Variants in CASKIN2 observed in about 807,000 individuals in gnomAD.
CASKIN2 encodes CASK interacting protein 2.
Under a neutral mutation model 107.1 loss-of-function variants are expected in CASKIN2, and 41 were observed. The ratio of observed to expected loss-of-function variants is 0.38; its 90% CI spans 0.30 to 0.50. CASKIN2 has a LOEUF of 0.50. Ranked by LOEUF, CASKIN2 falls within the 20% of genes least tolerant of loss-of-function variation. The pLI, the probability that CASKIN2 is intolerant of heterozygous loss-of-function variation, is 0.92. For missense variants in CASKIN2, 1,546 were observed against 1,657.4 expected, an observed-to-expected ratio of 0.93 and a Z score of 1.17; for synonymous variants, 724 against 705.6, an observed-to-expected ratio of 1.03 and a Z score of -0.41.
chr17:75,512,394 G>T (rs536572258), intron 2 of CASKIN2, among the ~76,000 whole-genome samples: 28 of 152,222 alleles, frequency 1.8e-4, no homozygotes, highest in African/African-American at 6.3e-4. Context: ...TTCTCCCTGT[G>T]GGGGGTCGCA....
At chr17:75,508,818 T>G (rs2053292602) in intron 2 of CASKIN2, among the ~76,000 whole-genome samples, 1 of 152,194 alleles carries the variant, frequency 6.6e-6, no homozygotes, top group African/African-American at 2.4e-5. Context: ...TCATTTAACC[T>G]CCCATGCTCA....
At chr17:75,512,665 T>C (rs2053324327) in intron 2 of CASKIN2, among the ~76,000 whole-genome samples, 1 of 152,092 alleles carries the variant, frequency 6.6e-6, no homozygotes, top group Admixed American at 6.5e-5. Flanking sequence ...CCTAGCACTT[T>C]GGGAGGCTGA....
At chr17:75,513,683 C>A in intron 2 of CASKIN2, 28 bp downstream of exon 2, 2 of 1,601,614 alleles carry the variant, frequency 1.2e-6, no homozygotes, top group Non-Finnish European at 1.7e-6. Context: ...TCGGCCTCAG[C>A]GGGATGCTCG....
Position 75,504,256 on chromosome 17 carries a change from A to G in CASKIN2, c.1426T>C (p.Phe476Leu), listed in dbSNP as rs1487776424. ...TGTTCTGGCCGCACGTCCTGGGTGA[A>G]GATCTGCTCCCCAGAGCGGCAGTTG... is the stretch of plus-strand genomic sequence containing the variant. ...LANCRSGEQI[F>L]TQDVRPEQLL... Residue 476 changes from phenylalanine (F) to leucine (L), a missense_variant, in exon 14 of 20, where the codon TTC becomes CTC. Phe to Leu is a conservative substitution (Grantham distance 22). Coordinates refer to ENST00000321617, the MANE Select transcript of CASKIN2 (RefSeq NM_020753.5). The G allele has an allele frequency of 6.2e-7, 1 of 1,604,692 alleles. No homozygotes were observed. The highest frequency in any genetic ancestry group is 1.3e-5 in the African/African-American group (1 of 74,602).
Position 75,513,895 on chromosome 17 carries a change from C to T in CASKIN2, c.-91G>A, listed in dbSNP as rs2053335163. 1.7e-6 allele frequency: 2 copies of T among 1,193,438 alleles called. No individual in the cohort carries two copies. The highest frequency in any genetic ancestry group is 2.4e-6 in the Non-Finnish European group (2 of 822,134). The allele number at this position is 1,193,438 out of a possible 1,614,324, so 73.9% of individuals were successfully genotyped here. ...GGGGCGTCAGGGCGCCATGCCACAGCCCCTTGGAGGGCTCCCGGTTCCGGG... is the reference window on the plus strand; with the variant it reads ...GGGGCGTCAGGGCGCCATGCCACAGTCCCTTGGAGGGCTCCCGGTTCCGGG... On this transcript the variant is annotated 5_prime_UTR_variant, in exon 2 of 20. Coordinates refer to ENST00000321617, the MANE Select transcript of CASKIN2 (RefSeq NM_020753.5).
chr17:75,503,562 C>T (rs2146984146), intron 16 of CASKIN2, 35 bp from the exon 17 acceptor site: 2 of 1,603,100 alleles, frequency 1.2e-6, no homozygotes, highest in Non-Finnish European at 1.7e-6. Context: ...AACTCCCAGC[C>T]AGCCTCCGCC....
Position 75,506,234 on chromosome 17 carries a change from T to G in CASKIN2, c.726+71A>C. The G allele has an allele frequency of 7.5e-7, 1 of 1,342,178 alleles. No homozygotes were observed. Among genetic ancestry groups the G allele is most frequent in the Non-Finnish European group, 1.1e-6 (1 of 949,810 alleles). The allele number at this position is 1,342,178 out of a possible 1,614,324, so 83.1% of individuals were successfully genotyped here. On this transcript the variant is annotated intron_variant, in intron 8 of 19. Coordinates refer to ENST00000321617, the MANE Select transcript of CASKIN2 (RefSeq NM_020753.5). This position sits in a 1 kb window ranked among gnomAD's most constrained non-coding sequence, Gnocchi z 4.8. ...ACGCTGGAGTCCTCCGTCCCGTACC[T>G]CCCCAGCCAGTCAGGGGCACAGGGC...
intron 2 of CASKIN2, among the ~76,000 whole-genome samples, chr17:75,510,394 A>T (rs1041609662): frequency 2.6e-5 from 4 of 152,066 alleles, no homozygotes; most frequent in Non-Finnish European, 5.9e-5. Context: ...TAAACCCCAG[A>T]AGAAAAAAGG....
At position 75,501,114 on chromosome 17, in the gene CASKIN2, G is replaced by T; in HGVS notation, c.3575C>A (p.Ala1192Asp). 1.3e-6 allele frequency: 2 copies of T among 1,589,316 alleles called. No individual in the cohort carries two copies. Among genetic ancestry groups the T allele is most frequent in the Non-Finnish European group, 1.7e-6 (2 of 1,167,820 alleles). ...ILDDISTMFD[A>D]LADQLDAMLD The stretch of plus-strand genomic sequence containing the variant: ...CATGGCGTCCAGCTGGTCAGCCAGG[G>T]CGTCGAACATGGTGCTGATGTCATC... The change falls in exon 20 of 20, where the codon GCC becomes GAC. Residue 1192 changes from alanine (A) to aspartate (D), a missense_variant. Physicochemically the swap from Ala to Asp is moderately radical, Grantham distance 126. This residue lies in a region of CASKIN2 where 1,311 missense variants were observed against 1,311.0 expected (regional missense o/e 1.00). Coordinates refer to ENST00000321617, the MANE Select transcript of CASKIN2 (RefSeq NM_020753.5).
At chr17:75,508,347 C>T in intron 2 of CASKIN2, 62 bp from the exon 3 acceptor site, 1 of 1,553,784 alleles carries the variant, frequency 6.4e-7, no homozygotes, top group Non-Finnish European at 8.8e-7. Context: ...AGCATCCCTC[C>T]CCCCACCTGT....
intron 4 of CASKIN2, 32 bp downstream of exon 4, chr17:75,507,552 G>T: frequency 6.5e-7 from 1 of 1,547,728 alleles, no homozygotes; most frequent in South Asian, 1.1e-5. Flanking sequence ...TACCTGCCCA[G>T]GGTGGGGGTC....
chr17:75,506,579 G>A lies in CASKIN2; in HGVS notation c.617+4C>T. On this transcript the variant is annotated splice_donor_region_variant and intron_variant, in intron 7 of 19. Transcript: ENST00000321617. The surrounding 1 kb of genome is among the most constrained non-coding windows in gnomAD (Gnocchi z 4.8). ...ATGAGGAAGCGAGGGGACCCCAAGG[G>A]TACCTGATGACTTCTCTGTGGCCAT... is the stretch of plus-strand genomic sequence containing the variant. The A allele has an allele frequency of 6.2e-7, 1 of 1,612,908 alleles. No individual in the cohort carries two copies. Among genetic ancestry groups the A allele is most frequent in the Non-Finnish European group, 8.5e-7 (1 of 1,179,820 alleles).
rs143030215 is a variant in CASKIN2, at chr17:75,506,381, C to T, written c.650G>A (p.Arg217His). Residue 217 changes from arginine to histidine, a missense_variant, in exon 8 of 20, where the codon CGC becomes CAC. Transcript: ENST00000321617. The surrounding 1 kb of genome is among the most constrained non-coding windows in gnomAD (Gnocchi z 4.8). ...QLLRAGIEIN[R>H]QTKTGTALHE... Reference sequence around the variant, plus strand: ...GAGCGCCGTACCCGTCTTGGTCTGGCGGTTGATCTCGATCCCAGCTCTCAG... The same window carrying T: ...GAGCGCCGTACCCGTCTTGGTCTGGTGGTTGATCTCGATCCCAGCTCTCAG... 4.2e-4 allele frequency: 669 copies of T among 1,611,014 alleles called. 1 individual carries two copies. The African/African-American group carries it at 7.1e-3, about 17-fold the overall frequency.
At chr17:75,507,166 G>A in intron 4 of CASKIN2, 37 bp from the exon 5 acceptor site, 1 of 1,585,466 alleles carries the variant, frequency 6.3e-7, no homozygotes, top group East Asian at 2.3e-5. Flanking sequence ...GAGGTCCTGG[G>A]ACGGCGTTGG....
chr17:75,506,526 G>A lies in CASKIN2; in HGVS notation c.617+57C>T. The A allele has an allele frequency of 6.2e-7, 1 of 1,605,370 alleles. No individual in the cohort carries two copies. Among genetic ancestry groups the A allele is most frequent in the Admixed American group, 1.7e-5 (1 of 59,894 alleles). ...AAAGGGCAGTGGGGGAGAGCACTGA[G>A]GGGCACCGATGGTCCCGCAGGCAGG... On this transcript the variant is annotated intron_variant, in intron 7 of 19. Transcript: ENST00000321617. The surrounding 1 kb of genome is among the most constrained non-coding windows in gnomAD (Gnocchi z 4.8).
rs1420498953 is a variant in CASKIN2 at position 75,514,051 on chromosome 17, T to C, written c.-247A>G. The stretch of plus-strand genomic sequence containing the variant: ...AGGGGGTGAAGGCTACATGGAAATC[T>C]GGATGGATATCAGCTTGTGGCTTCC... On this transcript the variant is annotated 5_prime_UTR_variant, in exon 2 of 20. Transcript: ENST00000321617. 7 of 583,968 alleles carry C rather than the reference T, an allele frequency of 1.2e-5. No individual in the cohort carries two copies. Among genetic ancestry groups the C allele is most frequent in the Non-Finnish European group, 2.1e-5 (7 of 327,944 alleles). 36.2% of individuals were successfully genotyped at this position (583,968 alleles called of 1,614,324 possible). A position where few individuals can be genotyped will look rare whatever the true frequency, so the allele number is the denominator to read the frequency against.
chr17:75,504,808 G>A lies in CASKIN2; in HGVS notation c.1192+4C>T, dbSNP rs1407854004. The A allele has an allele frequency of 3.7e-6, 6 of 1,608,182 alleles. No homozygotes were observed. The highest frequency in any genetic ancestry group is 3.3e-5 in the South Asian group (3 of 90,260). On this transcript the variant is annotated splice_donor_region_variant and intron_variant, in intron 11 of 19. Coordinates refer to ENST00000321617, the MANE Select transcript of CASKIN2 (RefSeq NM_020753.5). ...GCCCAGCACTGCCCCCTGGGAGGAT[G>A]TACCTGGGCTGTCTGGGCTGAGGCC...
At position 75,503,129 on chromosome 17, in the gene CASKIN2, C is replaced by T. The variant is rs772690752; in HGVS notation, c.1945G>A (p.Glu649Lys). The part of the protein sequence containing the change: ...LAKGPELMAI[E>K]GLENGEGPAT... ...GGGCCTTCTCCGTTCTCCAGTCCCT[C>T]GATGGCCATCAGCTCCGGACCCTTG... is the stretch of plus-strand genomic sequence containing the variant. The change falls in exon 18 of 20, where the codon GAG (glutamate) becomes AAG (lysine). Residue 649 changes from glutamate (E) to lysine (K), a missense_variant. By Grantham distance (56) the Glu-to-Lys change is moderately conservative. Transcript: ENST00000321617. The T allele has an allele frequency of 1.2e-5, 19 of 1,606,154 alleles. No individual in the cohort carries two copies. In the East Asian group the frequency reaches 1.3e-4, roughly 11 times the overall value.
At chr17:75,507,801 C>A (rs1003503207) in intron 3 of CASKIN2, 120 bp from the exon 4 acceptor site, 1 of 715,518 alleles carries the variant, frequency 1.4e-6, no homozygotes, top group Non-Finnish European at 2.4e-6. Context: ...GCCCCCCCAA[C>A]CCCAGCAGCC....
Sources: gnomAD v4.1 joint callset for allele counts (sites outside exome capture counted in the v4.1 genomes callset) on GRCh38, gnomAD v4.1.1 for gene constraint, gnomAD v4.1.1 regional missense constraint, Gnocchi (gnomAD v3.1) non-coding constraint, MANE v1.5 for transcripts, NCBI Gene and HGNC (gene_info 2026-07-23, HGNC 2026-07-21) for gene names.